INSYN2A: variants seen among roughly 807,000 people sequenced by gnomAD.
INSYN2A encodes the protein inhibitory synaptic factor 2A.
Under a neutral mutation model 39.4 loss-of-function variants are expected in INSYN2A, and 17 were observed. That is an observed-to-expected ratio of 0.43 (90% CI 0.30 to 0.65). The LOEUF (loss-of-function observed/expected upper bound fraction) is 0.65, where lower values mean the gene tolerates loss of function less well. Ranked by LOEUF, INSYN2A falls within the 30% of genes least tolerant of loss-of-function variation. INSYN2A has a pLI of 0.14. For synonymous variants in INSYN2A, 255 were observed against 265.7 expected (o/e 0.96, Z 0.39); for missense variants, 595 against 631.2 (o/e 0.94, Z 0.61).
At position 127,138,008 on chromosome 10, in the gene INSYN2A, A is replaced by T. The variant is rs747730124; in HGVS notation, c.1269T>A (p.Asp423Glu). 1 of 1,609,136 alleles carries T rather than the reference A, an allele frequency of 6.2e-7. No homozygotes were observed. Among genetic ancestry groups the T allele is most frequent in the Non-Finnish European group, 8.5e-7 (1 of 1,178,788 alleles). The change falls in exon 6 of 6, where the codon GAT becomes GAA. Residue 423 changes from aspartate (D) to glutamate (E), a missense_variant. By Grantham distance (45) the Asp-to-Glu change is conservative. Transcript: ENST00000522781. ...SACIIYSVEL[D>E]FKQQEDKLQP... The stretch of plus-strand genomic sequence containing the variant: ...GGAGTTTGTCTTCTTGCTGCTTAAA[A>T]TCCAGCTCCACACTAGAAAAGAGAG...
chr10:127,138,037 G>C lies in INSYN2A; in HGVS notation c.1257-17C>G. 1.3e-6 allele frequency: 2 copies of C among 1,589,830 alleles called. No individual in the cohort carries two copies. Among genetic ancestry groups the C allele is most frequent in the Non-Finnish European group, 1.7e-6 (2 of 1,171,324 alleles). ...AGCTCCACACTAGAAAAGAGAGAGAGTGAAGACTTTAGCATTTGATCTTTT... is the reference window on the plus strand; with the variant it reads ...AGCTCCACACTAGAAAAGAGAGAGACTGAAGACTTTAGCATTTGATCTTTT... On this transcript the variant is annotated splice_polypyrimidine_tract_variant and intron_variant, in intron 5 of 5. Coordinates refer to ENST00000522781, the MANE Select transcript of INSYN2A (RefSeq NM_001039762.3).
intron 2 of INSYN2A, among the ~76,000 whole-genome samples, chr10:127,179,394 G>T (rs2055498626): frequency 1.3e-5 from 2 of 152,112 alleles, no homozygotes; most frequent in African/African-American, 4.8e-5. Flanking sequence ...GTAATACTTA[G>T]GATTTTTAAT....
chr10:127,175,286 A>G lies in INSYN2A; in HGVS notation c.1110T>C (p.Ser370=). 2.5e-6 allele frequency: 4 copies of G among 1,613,994 alleles called. No individual in the cohort carries two copies. The highest frequency in any genetic ancestry group is 3.4e-6 in the Non-Finnish European group (4 of 1,180,000). Residue 370 remains serine (S), a synonymous_variant, in exon 4 of 6, where the codon AGT becomes AGC. Transcript: ENST00000522781. This position sits in a 1 kb window ranked among gnomAD's most constrained non-coding sequence, Gnocchi z 6.3. The part of the protein sequence containing the change: ...AQLQMMENLI[S]SSQETIKVLL... The stretch of plus-strand genomic sequence containing the variant: ...GCACTTTGATGGTTTCTTGGCTTGA[A>G]CTGATCAAGTTCTCCATCATCTGAA...
Position 127,176,302 on chromosome 10 carries a change from G to C in INSYN2A, c.94C>G (p.Leu32Val), listed in dbSNP as rs768460062. 6.2e-7 allele frequency: 1 copy of C among 1,614,136 alleles called. No individual in the cohort carries two copies. The highest frequency in any genetic ancestry group is 8.5e-7 in the Non-Finnish European group (1 of 1,180,040). ...ACLALEMKYALDPNRQIKKRN... is the reference protein window; with the variant it reads ...ACLALEMKYAVDPNRQIKKRN... Reference sequence around the variant, plus strand: ...TTTTTAATCTGCCGGTTGGGGTCCAGGGCGTATTTCATCTCCAGGGCCAGG... The same window carrying C: ...TTTTTAATCTGCCGGTTGGGGTCCACGGCGTATTTCATCTCCAGGGCCAGG... Residue 32 changes from leucine to valine, a missense_variant, in exon 4 of 6, where the codon CTG becomes GTG. Around this residue, in one of 2 missense-constraint regions of INSYN2A, gnomAD observed 478 missense variants for 467.4 expected, o/e 1.02. Transcript: ENST00000522781. The surrounding 1 kb of genome is among the most constrained non-coding windows in gnomAD (Gnocchi z 4.4).
chr10:127,196,051 C>T lies in INSYN2A; in HGVS notation c.-449G>A, dbSNP rs2057113782. ...GATGCAGCGCCTGGCTCGGGCATGTCTCGCTGCGGACCCTGGCAAGCCTGG... is the reference window on the plus strand; with the variant it reads ...GATGCAGCGCCTGGCTCGGGCATGTTTCGCTGCGGACCCTGGCAAGCCTGG... On this transcript the variant is annotated 5_prime_UTR_variant, in exon 1 of 6. Coordinates refer to ENST00000522781, the MANE Select transcript of INSYN2A (RefSeq NM_001039762.3). 6.6e-6 allele frequency: 1 copy of T among 152,158 alleles called. No individual in the cohort carries two copies. The highest frequency in any genetic ancestry group is 1.5e-5 in the Non-Finnish European group (1 of 68,066). The allele number at this position is 152,158 out of a possible 1,614,324, so 9.4% of individuals were successfully genotyped here. A position where few individuals can be genotyped will look rare whatever the true frequency, so the allele number is the denominator to read the frequency against.
chr10:127,160,842 A>C (rs1057359505), intron 4 of INSYN2A, among the ~76,000 whole-genome samples: 1 of 151,966 alleles, frequency 6.6e-6, no homozygotes, highest in African/African-American at 2.4e-5. Context: ...GGATGCAACA[A>C]CCGTTTTTTT....
chr10:127,149,421 AT>A (rs1249928720), intron 5 of INSYN2A, among the ~76,000 whole-genome samples: 1 of 152,162 alleles, frequency 6.6e-6, no homozygotes, highest in East Asian at 1.9e-4. Context: ...CTAGTCCTCT[AT>A]ATTTCCATGA....
At chr10:127,157,194 G>A (rs919961565) in intron 4 of INSYN2A, among the ~76,000 whole-genome samples, 2 of 152,236 alleles carry the variant, frequency 1.3e-5, no homozygotes, top group African/African-American at 4.8e-5. Flanking sequence ...GACATTTTTA[G>A]TGAGACCTGG....
rs1170128041 is a variant in INSYN2A at position 127,153,926 on chromosome 10, A to G, written c.1185-3T>C. ...CTTGCCCCGTCCGATATGAAAGCCT[A>G]CAAGATAAGAACAGGAGAGCATTAC... On this transcript the variant is annotated splice_polypyrimidine_tract_variant and splice_region_variant and intron_variant, in intron 4 of 5. Coordinates refer to ENST00000522781, the MANE Select transcript of INSYN2A (RefSeq NM_001039762.3). The G allele has an allele frequency of 2.5e-6, 4 of 1,612,822 alleles. No homozygotes were observed. The highest frequency in any genetic ancestry group is 1.7e-5 in the Admixed American group (1 of 59,992).
In INSYN2A at chr10:127,175,016, G is replaced by T. The variant is rs1043335525; in HGVS notation, c.1184+196C>A. 1.3e-5 allele frequency among the ~76,000 whole-genome samples: 2 copies of T among 152,178 alleles called. No homozygotes were observed. Among genetic ancestry groups the T allele is most frequent in the African/African-American group, 4.8e-5 (2 of 41,444 alleles). ...GAAAGATGAACATTAACCAGAAAGC[G>T]TATCGTGCAGGATGCAGTGACGTCT... On this transcript the variant is annotated intron_variant, in intron 4 of 5. Coordinates refer to ENST00000522781, the MANE Select transcript of INSYN2A (RefSeq NM_001039762.3). The surrounding 1 kb of genome is among the most constrained non-coding windows in gnomAD (Gnocchi z 6.3).
At chr10:127,139,830 A>C (rs2051051520) in intron 5 of INSYN2A, among the ~76,000 whole-genome samples, 1 of 152,184 alleles carries the variant, frequency 6.6e-6, no homozygotes, top group African/African-American at 2.4e-5. Context: ...AATGCCCATG[A>C]ACGAGCCTCC....
chr10:127,172,942 A>G (rs1056102418), intron 4 of INSYN2A, among the ~76,000 whole-genome samples: 1 of 152,166 alleles, frequency 6.6e-6, no homozygotes, highest in African/African-American at 2.4e-5. Flanking sequence ...GTGACTGTGA[A>G]GTTTCAATTG....
At chr10:127,179,657 T>A (rs1414106650) in intron 2 of INSYN2A, among the ~76,000 whole-genome samples, 1 of 152,148 alleles carries the variant, frequency 6.6e-6, no homozygotes, top group Non-Finnish European at 1.5e-5. Flanking sequence ...GGGTAAGGCT[T>A]ACAGTGATTA....
In INSYN2A at chr10:127,137,638, G is replaced by C; in HGVS notation, c.*199C>G. On this transcript the variant is annotated 3_prime_UTR_variant, in exon 6 of 6. Coordinates refer to ENST00000522781, the MANE Select transcript of INSYN2A (RefSeq NM_001039762.3). ...CCACATCAGTGAACTGCAAAGAACA[G>C]CTGGCAAGGAGTGACACAGAATACC... is the stretch of plus-strand genomic sequence containing the variant. 1 of 479,756 alleles carries C rather than the reference G, an allele frequency of 2.1e-6. No homozygotes were observed. Among genetic ancestry groups the C allele is most frequent in the East Asian group, 3.1e-5 (1 of 31,930 alleles). 29.7% of individuals were successfully genotyped at this position (479,756 alleles called of 1,614,324 possible). A position where few individuals can be genotyped will look rare whatever the true frequency, so the allele number is the denominator to read the frequency against.
In INSYN2A at chr10:127,176,147, G is replaced by C; in HGVS notation, c.249C>G (p.Ala83=). ...REAKPVSCRA[A]YRKYMTVPAR... ...CGGGCACTGTCATGTATTTGCGGTAGGCTGCTCTGCAGGACACGGGCTTGG... is the reference window on the plus strand; with the variant it reads ...CGGGCACTGTCATGTATTTGCGGTACGCTGCTCTGCAGGACACGGGCTTGG... Residue 83 remains alanine, a synonymous_variant, in exon 4 of 6, where the codon GCC becomes GCG. Transcript: ENST00000522781. This position sits in a 1 kb window ranked among gnomAD's most constrained non-coding sequence, Gnocchi z 4.4. The C allele has an allele frequency of 6.2e-7, 1 of 1,614,108 alleles. No individual in the cohort carries two copies. Among genetic ancestry groups the C allele is most frequent in the Non-Finnish European group, 8.5e-7 (1 of 1,180,030 alleles).
chr10:127,193,966 A>G (rs2056925746), intron 1 of INSYN2A, among the ~76,000 whole-genome samples: 1 of 152,182 alleles, frequency 6.6e-6, no homozygotes, highest in African/African-American at 2.4e-5. Context: ...CTGTTTCTTA[A>G]TAGGATAAAG....
chr10:127,190,364 GT>G (rs1208886652), intron 2 of INSYN2A, among the ~76,000 whole-genome samples: 2 of 152,160 alleles, frequency 1.3e-5, no homozygotes, highest in Non-Finnish European at 2.9e-5. Flanking sequence ...TACACAAAAA[GT>G]TACAAGTGGA....
intron 4 of INSYN2A, among the ~76,000 whole-genome samples, chr10:127,164,127 C>CTTGGCCCT (rs1326707280): frequency 6.8e-6 from 1 of 146,148 alleles, no homozygotes; most frequent in African/African-American, 2.5e-5. Context: ...CTCTTTCTCC[C>CTTGGCCCT]TTGGCCCTTT....
chr10:127,190,674 C>G (rs146691132), intron 2 of INSYN2A, among the ~76,000 whole-genome samples: 3 of 21,480 alleles, frequency 1.4e-4, no homozygotes, highest in East Asian at 1.3e-3. Context: ...TTCCCCCCCC[C>G]CCCCCCCCCG....
Sources: allele counts gnomAD v4.1 joint callset (sites outside exome capture counted in the v4.1 genomes callset), GRCh38; gene constraint gnomAD v4.1.1; regional missense constraint gnomAD v4.1.1; non-coding constraint Gnocchi (gnomAD v3.1); transcripts MANE v1.5; gene names NCBI Gene and HGNC (gene_info 2026-07-23, HGNC 2026-07-21).